Variants in RAP1GDS1 observed in about 807,000 individuals in gnomAD.
RAP1GDS1 encodes RAP1, GTP-GDP dissociation stimulator 1.
A neutral mutation model predicts 71.1 loss-of-function variants in RAP1GDS1; 35 were observed. The ratio of observed to expected loss-of-function variants is 0.49; its 90% CI spans 0.38 to 0.65. The LOEUF is 0.65. RAP1GDS1 is among the 30% of genes least tolerant of loss of function. The pLI is 0.00. For missense variants in RAP1GDS1, 663 were observed against 706.1 expected, an observed-to-expected ratio of 0.94 and a Z score of 0.69; for synonymous variants, 229 against 243.1, an observed-to-expected ratio of 0.94 and a Z score of 0.54.
chr4:98,414,734 T>G (rs938720025), intron 7 of RAP1GDS1, among the ~76,000 whole-genome samples: 2 of 151,912 alleles, frequency 1.3e-5, no homozygotes, highest in Admixed American at 6.6e-5. Flanking sequence ...TTAAAGTAGT[T>G]TTTTCCAATT....
At chr4:98,377,019 G>A (rs1289259223) in intron 4 of RAP1GDS1, among the ~76,000 whole-genome samples, 1 of 151,872 alleles carries the variant, frequency 6.6e-6, no homozygotes, top group African/African-American at 2.4e-5. Context: ...TGGATAAGAA[G>A]CCAGCTTTCA....
Position 98,293,517 on chromosome 4 carries a change from T to C in RAP1GDS1, c.112+2T>C. The stretch of plus-strand genomic sequence containing the variant: ...TGCTTCAAGCCCTGGCTCAAAATAG[T>C]AAGTTTCATTATGTTTACTCAAATT... On this transcript the variant is annotated splice_donor_variant, in intron 2 of 14. Coordinates refer to ENST00000408927, the MANE Select transcript of RAP1GDS1 (RefSeq NM_001100427.2). LOFTEE classifies it high-confidence loss of function. The C allele has an allele frequency of 6.3e-7, 1 of 1,590,990 alleles. No individual in the cohort carries two copies.
At chr4:98,398,817 G>T (rs1258723360) in intron 6 of RAP1GDS1, among the ~76,000 whole-genome samples, 1 of 152,018 alleles carries the variant, frequency 6.6e-6, no homozygotes, top group Non-Finnish European at 1.5e-5. Context: ...GATCAAGAAG[G>T]CAATCCTATT....
At chr4:98,315,065 CT>C (rs1730749603) in intron 2 of RAP1GDS1, among the ~76,000 whole-genome samples, 1 of 152,080 alleles carries the variant, frequency 6.6e-6, no homozygotes, top group South Asian at 2.1e-4. Context: ...ATATTCCTTC[CT>C]TGTAGAATGT....
chr4:98,437,638 C>G (rs1463961150), intron 14 of RAP1GDS1, among the ~76,000 whole-genome samples: 18 of 151,774 alleles, frequency 1.2e-4, no homozygotes, highest in Admixed American at 8.5e-4. Context: ...ACTAAAAACA[C>G]AAAAATTAGC....
intron 2 of RAP1GDS1, among the ~76,000 whole-genome samples, chr4:98,305,642 T>C (rs1234315437): frequency 6.6e-6 from 1 of 152,126 alleles, no homozygotes; most frequent in Non-Finnish European, 1.5e-5. Context: ...TGTATAACAG[T>C]GATACTGGGT....
At chr4:98,313,092 A>G (rs1730495509) in intron 2 of RAP1GDS1, among the ~76,000 whole-genome samples, 2 of 148,094 alleles carry the variant, frequency 1.4e-5, no homozygotes, top group South Asian at 2.1e-4. Flanking sequence ...AAAAAAAAAA[A>G]AAAAAGAAAT....
chr4:98,365,362 C>T (rs1323071662), intron 4 of RAP1GDS1, among the ~76,000 whole-genome samples: 2 of 152,098 alleles, frequency 1.3e-5, no homozygotes, highest in Non-Finnish European at 2.9e-5. Flanking sequence ...CACCTGTAAT[C>T]CCAGCACTTT....
intron 2 of RAP1GDS1, among the ~76,000 whole-genome samples, chr4:98,305,868 T>C (rs970432727): frequency 6.6e-6 from 1 of 152,178 alleles, no homozygotes; most frequent in African/African-American, 2.4e-5. Context: ...CTTTTTATGT[T>C]CCTAACACAG....
chr4:98,394,510 A>G (rs1744229349), intron 6 of RAP1GDS1, among the ~76,000 whole-genome samples: 1 of 152,092 alleles, frequency 6.6e-6, no homozygotes, highest in Non-Finnish European at 1.5e-5. Context: ...TTACAGTAAA[A>G]GAAGATCCTG....
At chr4:98,417,605 T>C (rs974091439) in intron 9 of RAP1GDS1, 107 bp downstream of exon 9, 4 of 1,109,280 alleles carry the variant, frequency 3.6e-6, no homozygotes, top group Admixed American at 2.5e-5. Context: ...TTGTGTAATA[T>C]GTGTATATGC....
intron 3 of RAP1GDS1, among the ~76,000 whole-genome samples, chr4:98,343,721 C>T (rs1381842188): frequency 1.3e-5 from 2 of 152,126 alleles, no homozygotes; most frequent in Non-Finnish European, 2.9e-5. Flanking sequence ...TCTACACTCA[C>T]CATATATTTC....
At chr4:98,367,535 G>A (rs1465159439) in intron 4 of RAP1GDS1, among the ~76,000 whole-genome samples, 11 of 152,168 alleles carry the variant, frequency 7.2e-5, no homozygotes, top group Non-Finnish European at 1.5e-4. Context: ...GCTTGCACCA[G>A]GCACCTGGAA....
chr4:98,352,383 A>G (rs747054318), intron 3 of RAP1GDS1, 93 bp from the exon 4 acceptor site: 30 of 1,355,448 alleles, frequency 2.2e-5, no homozygotes, highest in Non-Finnish European at 2.7e-5. Context: ...TAAATACCAC[A>G]TATTAAAAGT....
chr4:98,283,817 ATTTTTTT>A (rs10582639), intron 1 of RAP1GDS1, among the ~76,000 whole-genome samples: 13 of 133,966 alleles, frequency 9.7e-5, no homozygotes, highest in East Asian at 2.2e-4. Context: ...TTTCATTGTG[ATTTTTTT>A]TTTTTTTTTT....
At chr4:98,352,000 A>G (rs1014729047) in intron 3 of RAP1GDS1, among the ~76,000 whole-genome samples, 1 of 150,352 alleles carries the variant, frequency 6.7e-6, no homozygotes, top group African/African-American at 2.4e-5. Context: ...ACATATGTAT[A>G]TACTTATATT....
intron 4 of RAP1GDS1, among the ~76,000 whole-genome samples, chr4:98,376,844 A>AG (rs1449347178): frequency 9.9e-5 from 15 of 151,966 alleles, no homozygotes; most frequent in Non-Finnish European, 4.4e-5. Context: ...AATTCAGAGG[A>AG]GGGGGGTGGA....
At chr4:98,409,694 C>T (rs1043077892) in intron 7 of RAP1GDS1, 14 of 435,120 alleles carry the variant, frequency 3.2e-5, no homozygotes, top group African/African-American at 2.5e-4. Flanking sequence ...CCTAGAGAAG[C>T]GCACTTTGTG....
chr4:98,352,095 A>G (rs1294360326), intron 3 of RAP1GDS1, among the ~76,000 whole-genome samples: 2 of 151,868 alleles, frequency 1.3e-5, no homozygotes, highest in African/African-American at 4.8e-5. Flanking sequence ...TAACTGTAGT[A>G]CTTTAATTAT....
Sources: allele counts gnomAD v4.1 joint callset (sites outside exome capture counted in the v4.1 genomes callset), GRCh38; gene constraint gnomAD v4.1.1; transcripts MANE v1.5; gene names NCBI Gene and HGNC (gene_info 2026-07-23, HGNC 2026-07-21).